PCBP3: variants seen among roughly 807,000 people sequenced by gnomAD.
PCBP3 encodes the protein poly(rC)-binding protein 3.
A neutral mutation model predicts 52.7 loss-of-function variants in PCBP3; 25 were observed. The observed-to-expected ratio is 0.47, with a 90% confidence interval of 0.35 to 0.66. The LOEUF (loss-of-function observed/expected upper bound fraction) is 0.66, where lower values mean the gene tolerates loss of function less well. Ranked by LOEUF, PCBP3 falls within the 30% of genes least tolerant of loss-of-function variation. PCBP3 has a pLI of 0.01. For missense variants in PCBP3, 391 were observed against 490.3 expected, an observed-to-expected ratio of 0.80 and a Z score of 1.91; for synonymous variants, 162 against 183.0, an observed-to-expected ratio of 0.89 and a Z score of 0.93.
rs1402039426 is a variant in PCBP3 at position 45,736,324 on chromosome 21, C to G, written c.-162+895C>G. On this transcript the variant is annotated intron_variant, in intron 3 of 17. Coordinates refer to ENST00000681687, the MANE Select transcript of PCBP3 (RefSeq NM_001384156.1). The surrounding 1 kb of genome is among the most constrained non-coding windows in gnomAD (Gnocchi z 4.6). Reference sequence around the variant, plus strand: ...GGGCTGGGATTTGAGCCAAGTCTTCCAACTTCACAATAGCAGAGTAAGAAG... The same window carrying G: ...GGGCTGGGATTTGAGCCAAGTCTTCGAACTTCACAATAGCAGAGTAAGAAG... Among the ~76,000 whole-genome samples the G allele has an allele frequency of 6.6e-6, 1 of 152,166 alleles. No individual in the cohort carries two copies. The highest frequency in any genetic ancestry group is 1.5e-5 in the Non-Finnish European group (1 of 68,030).
chr21:45,840,093 G>A (rs763491794), intron 4 of PCBP3, among the ~76,000 whole-genome samples: 1 of 152,070 alleles, frequency 6.6e-6, no homozygotes, highest in Non-Finnish European at 1.5e-5. Context: ...TTGTGGTGCT[G>A]TACAATTTGT....
At chr21:45,828,942 G>A (rs1447535020) in intron 4 of PCBP3, 1 of 152,440 alleles carries the variant, frequency 6.6e-6, no homozygotes, top group South Asian at 2.1e-4. Flanking sequence ...CTGCCCAACT[G>A]GAAGCCTTGT....
intron 5 of PCBP3, among the ~76,000 whole-genome samples, chr21:45,894,415 T>C (rs1041282247): frequency 6.6e-6 from 1 of 151,472 alleles, no homozygotes; most frequent in African/African-American, 2.4e-5. Context: ...CACACCGAGA[T>C]GCAGTCCATG....
intron 2 of PCBP3, among the ~76,000 whole-genome samples, chr21:45,674,717 C>T (rs960672357): frequency 2.0e-5 from 3 of 152,122 alleles, no homozygotes; most frequent in African/African-American, 7.2e-5. Context: ...ATGTATTATT[C>T]ATATGATTAG....
chr21:45,905,685 C>T (rs1225860080), intron 9 of PCBP3, among the ~76,000 whole-genome samples: 1 of 152,236 alleles, frequency 6.6e-6, no homozygotes, highest in Non-Finnish European at 1.5e-5. Flanking sequence ...TGGGTCCTCA[C>T]AGAGTCACCC....
rs954680083 is a variant in PCBP3 at position 45,896,099 on chromosome 21, C to A, written c.11-109C>A. ...GTCAGCACATGGTGGGTGGGCAACC[C>A]CATTCTCCTGCCACCCGGGAGGCCG... On this transcript the variant is annotated intron_variant, in intron 5 of 17. Coordinates refer to ENST00000681687, the MANE Select transcript of PCBP3 (RefSeq NM_001384156.1). The A allele has an allele frequency of 6.7e-6, 7 of 1,043,046 alleles. No homozygotes were observed. The Admixed American group carries it at 1.5e-4, about 22-fold the overall frequency. 64.6% of individuals were successfully genotyped at this position (1,043,046 alleles called of 1,614,324 possible). A position where few individuals can be genotyped will look rare whatever the true frequency, so the allele number is the denominator to read the frequency against.
chr21:45,875,302 G>A (rs778139108), intron 5 of PCBP3, among the ~76,000 whole-genome samples: 3 of 152,198 alleles, frequency 2.0e-5, no homozygotes, highest in Admixed American at 6.5e-5. Flanking sequence ...TGCGTGCTGC[G>A]GCTGACTCTC....
At chr21:45,676,851 A>G (rs1434329731) in intron 2 of PCBP3, among the ~76,000 whole-genome samples, 1 of 152,124 alleles carries the variant, frequency 6.6e-6, no homozygotes, top group Admixed American at 6.5e-5. Flanking sequence ...AGTTCACTGC[A>G]ACATCTGCCT....
At chr21:45,923,943 A>T (rs79887416) in intron 13 of PCBP3, among the ~76,000 whole-genome samples, 1 of 16,040 alleles carries the variant, frequency 6.2e-5, no homozygotes, top group Non-Finnish European at 1.1e-4. Context: ...ACGTAAGATC[A>T]GGTGTGCACG....
At chr21:45,891,321 C>G (rs575767172) in intron 5 of PCBP3, among the ~76,000 whole-genome samples, 28 of 152,340 alleles carry the variant, frequency 1.8e-4, no homozygotes, top group African/African-American at 6.7e-4. Flanking sequence ...CAGCTTTACT[C>G]GTGTATCCCG....
At chr21:45,921,493 G>T (rs1023686200) in intron 13 of PCBP3, among the ~76,000 whole-genome samples, 9 of 152,154 alleles carry the variant, frequency 5.9e-5, no homozygotes, top group African/African-American at 1.9e-4. Flanking sequence ...TTTTTAGCTT[G>T]TTCTTATTTA....
At chr21:45,682,004 A>G (rs1376892202) in intron 2 of PCBP3, among the ~76,000 whole-genome samples, 1 of 152,188 alleles carries the variant, frequency 6.6e-6, no homozygotes, top group Non-Finnish European at 1.5e-5. Flanking sequence ...ATTGCTAAGA[A>G]TCATGTCATC....
rs879473481 is a variant in PCBP3 at position 45,898,358 on chromosome 21, A to ACAGCCTCCCTC, written c.166-1241_166-1240insCAGCCTCCCTC. 6.4e-4 allele frequency among the ~76,000 whole-genome samples: 27 copies of ACAGCCTCCCTC among 42,026 alleles called. 1 individual carries two copies. Among genetic ancestry groups the ACAGCCTCCCTC allele is most frequent in the African/African-American group, 2.5e-3 (22 of 8,646 alleles). The allele number at this position is 42,026 out of a possible 152,430, so 27.6% of individuals were successfully genotyped here. A position where few individuals can be genotyped will look rare whatever the true frequency, so the allele number is the denominator to read the frequency against. ...CAGCCTCCCTCTGCACACCATCCTC[A>ACAGCCTCCCTC]TGGTCTCCCTCTGCACACCGTCCTC... On this transcript the variant is annotated intron_variant, in intron 6 of 17. Transcript: ENST00000681687.
intron 16 of PCBP3, among the ~76,000 whole-genome samples, chr21:45,936,435 C>G (rs1438522639): frequency 6.6e-6 from 1 of 152,348 alleles, no homozygotes; most frequent in South Asian, 2.1e-4. Flanking sequence ...ACACTCCAGG[C>G]AGCATTGTGG....
At chr21:45,708,001 C>T (rs1007325698) in intron 2 of PCBP3, among the ~76,000 whole-genome samples, 2 of 152,166 alleles carry the variant, frequency 1.3e-5, no homozygotes, top group African/African-American at 4.8e-5. Flanking sequence ...CAGGATTTAG[C>T]CCAGGTATCT....
At chr21:45,825,256 A>G (rs1167828875) in intron 4 of PCBP3, among the ~76,000 whole-genome samples, 1 of 152,224 alleles carries the variant, frequency 6.6e-6, no homozygotes, top group Non-Finnish European at 1.5e-5. Flanking sequence ...CACAGAATCT[A>G]GATGACATTC....
chr21:45,890,220 A>G (rs1243396056), intron 5 of PCBP3, among the ~76,000 whole-genome samples: 1 of 152,260 alleles, frequency 6.6e-6, no homozygotes, highest in Non-Finnish European at 1.5e-5. Context: ...CAACTAGACA[A>G]CACTGCACGC....
At chr21:45,675,247 G>A (rs2081394233) in intron 2 of PCBP3, among the ~76,000 whole-genome samples, 1 of 152,184 alleles carries the variant, frequency 6.6e-6, no homozygotes, top group African/African-American at 2.4e-5. Context: ...ATGATGGGGA[G>A]GCAGAGCCCT....
At chr21:45,931,822 G>T (rs1013825257) in intron 15 of PCBP3, among the ~76,000 whole-genome samples, 2 of 151,990 alleles carry the variant, frequency 1.3e-5, no homozygotes, top group Non-Finnish European at 2.9e-5. Flanking sequence ...TGAACACCTG[G>T]GCCATGCCGT....
Sources: gnomAD v4.1 joint callset for allele counts (sites outside exome capture counted in the v4.1 genomes callset) on GRCh38, gnomAD v4.1.1 for gene constraint, Gnocchi (gnomAD v3.1) non-coding constraint, MANE v1.5 for transcripts, NCBI Gene and HGNC (gene_info 2026-07-23, HGNC 2026-07-21) for gene names.